Variants in CPSF7 observed in about 807,000 individuals in gnomAD.
The protein encoded by CPSF7 is cleavage and polyadenylation specific factor 7.
A neutral mutation model predicts 44.3 loss-of-function variants in CPSF7; 1 was observed. The ratio of observed to expected loss-of-function variants is 0.02; its 90% CI spans 0.01 to 0.11. CPSF7 has a LOEUF of 0.11. Ranked by LOEUF, CPSF7 falls within the 10% of genes least tolerant of loss-of-function variation. The pLI is 1.00. For synonymous variants in CPSF7, 202 were observed against 222.0 expected (o/e 0.91, Z 0.80); for missense variants, 443 against 607.2 (o/e 0.73, Z 2.84).
intron 7 of CPSF7, among the ~76,000 whole-genome samples, chr11:61,414,834 T>C (rs1860167511): frequency 6.6e-6 from 1 of 152,210 alleles, no homozygotes; most frequent in Non-Finnish European, 1.5e-5. Context: ...AAAAGTTAGC[T>C]GTAAGGGCAT....
intron 2 of CPSF7, among the ~76,000 whole-genome samples, chr11:61,423,014 T>A (rs978345922): frequency 7.2e-6 from 1 of 139,774 alleles, no homozygotes; most frequent in African/African-American, 2.7e-5. Context: ...ACATCTATAG[T>A]CCCAGCTACT....
At chr11:61,420,132 G>A in intron 4 of CPSF7, 38 bp from the exon 5 acceptor site, 2 of 1,514,616 alleles carry the variant, frequency 1.3e-6, no homozygotes, top group South Asian at 1.2e-5. Context: ...GAAATCTGTA[G>A]ACAGCCAAGA....
chr11:61,412,040 T>C, intron 7 of CPSF7, 103 bp from the exon 8 acceptor site: 3 of 999,938 alleles, frequency 3.0e-6, no homozygotes, highest in Non-Finnish European at 4.5e-6. Context: ...TAGCTAGCCG[T>C]CCCAAACAAC....
chr11:61,404,059 GAA>G lies in CPSF7; in HGVS notation c.*649_*650del, dbSNP rs1190496496. The G allele has an allele frequency of 1.3e-5, 2 of 152,654 alleles. No individual in the cohort carries two copies. Among genetic ancestry groups the G allele is most frequent in the African/African-American group, 4.8e-5 (2 of 41,448 alleles). 9.5% of individuals were successfully genotyped at this position (152,654 alleles called of 1,614,324 possible). On this transcript the variant is annotated 3_prime_UTR_variant, in exon 10 of 10. Coordinates refer to ENST00000439958, the MANE Select transcript of CPSF7 (RefSeq NM_001142565.3). ...TGAGAAGGCTGGGCAGCGCAGAGTTGAAAGAGTTCAGCCCTCTGGGAGGTCAA... is the reference window on the plus strand; with the variant it reads ...TGAGAAGGCTGGGCAGCGCAGAGTTGAGAGTTCAGCCCTCTGGGAGGTCAA...
chr11:61,426,989 C>G (rs1399488226), intron 2 of CPSF7: 19 of 131,706 alleles, frequency 1.4e-4, no homozygotes, highest in African/African-American at 5.4e-4. Flanking sequence ...GATGGTGCCA[C>G]TGCTCTCCAG....
chr11:61,412,763 G>A (rs1170429830), intron 7 of CPSF7, among the ~76,000 whole-genome samples: 1 of 152,176 alleles, frequency 6.6e-6, no homozygotes, highest in Non-Finnish European at 1.5e-5. Context: ...ACACAGTAAG[G>A]ATCAATAAAT....
intron 5 of CPSF7, 98 bp downstream of exon 5, chr11:61,419,851 G>GT: frequency 1.4e-6 from 2 of 1,470,082 alleles, no homozygotes; most frequent in Non-Finnish European, 1.8e-6. Flanking sequence ...CACCCACACT[G>GT]TAGGCTAAGC....
rs1159795500 is a variant in CPSF7, at chr11:61,421,540, G to C, written c.123C>G (p.Pro41=). 6.2e-7 allele frequency: 1 copy of C among 1,613,980 alleles called. No homozygotes were observed. Among genetic ancestry groups the C allele is most frequent in the Non-Finnish European group, 8.5e-7 (1 of 1,180,038 alleles). The part of the protein sequence containing the change: ...YDDVLTATSQ[P]SDDRSSSTEP... The stretch of plus-strand genomic sequence containing the variant: ...CAGTGCTGCTGCTTCTGTCATCTGA[G>C]GGCTGTGAGGTGGCTGTCAGCACAT... The change falls in exon 3 of 10, where the codon CCC becomes CCG. Residue 41 remains proline, a synonymous_variant. Transcript: ENST00000439958.
rs1352519997 is a variant in CPSF7 at position 61,403,315 on chromosome 11, C to CA, written c.*1394dup. The CA allele has an allele frequency of 3.3e-5, 5 of 152,190 alleles. No individual in the cohort carries two copies. Among genetic ancestry groups the CA allele is most frequent in the Admixed American group, 2.0e-4 (3 of 15,274 alleles). The allele number at this position is 152,190 out of a possible 1,614,324, so 9.4% of individuals were successfully genotyped here. ...ACATGCCACGTCTCATGTTAGGTGT[C>CA]AGATGCCCTGTAGATGCATGCAGAA... On this transcript the variant is annotated 3_prime_UTR_variant, in exon 10 of 10. Transcript: ENST00000439958.
intron 3 of CPSF7, chr11:61,421,095 T>C (rs1276309038): frequency 7.3e-7 from 1 of 1,372,068 alleles, no homozygotes; most frequent in African/African-American, 1.5e-5. Flanking sequence ...GAGTTCAAGG[T>C]GTTCACTCTG....
rs1859780385 is a variant in CPSF7 at position 61,410,787 on chromosome 11, G to A, written c.*5+151C>T. 6.5e-6 allele frequency: 5 copies of A among 767,498 alleles called. No homozygotes were observed. The South Asian group carries it at 1.1e-4, about 16-fold the overall frequency. 47.5% of individuals were successfully genotyped at this position (767,498 alleles called of 1,614,324 possible). ...GGGTAAGACTCCCCATAAATGTGCA[G>A]AAAATCTGCCCTGAAATTCCAGTTA... On this transcript the variant is annotated intron_variant, in intron 9 of 9. Transcript: ENST00000439958.
intron 2 of CPSF7, among the ~76,000 whole-genome samples, chr11:61,423,213 C>T (rs1861058487): frequency 6.9e-6 from 1 of 144,522 alleles, no homozygotes; most frequent in African/African-American, 2.7e-5. Flanking sequence ...TGCTCCATTG[C>T]CCAGGCTGGA....
At position 61,402,899 on chromosome 11, in the gene CPSF7, A is replaced by G. The variant is rs1210137726; in HGVS notation, c.*1811T>C. ...GTGTCATTGAGTAAAAACAAAACAAATGGGGAGAAAAAAATTCTCCGGGTA... is the reference window on the plus strand; with the variant it reads ...GTGTCATTGAGTAAAAACAAAACAAGTGGGGAGAAAAAAATTCTCCGGGTA... On this transcript the variant is annotated 3_prime_UTR_variant, in exon 10 of 10. Transcript: ENST00000439958. The G allele has an allele frequency of 6.6e-6, 1 of 152,454 alleles. No individual in the cohort carries two copies. The highest frequency in any genetic ancestry group is 2.4e-5 in the African/African-American group (1 of 41,388). 9.4% of individuals were successfully genotyped at this position (152,454 alleles called of 1,614,324 possible).
At chr11:61,416,070 C>T (rs1422720501) in intron 6 of CPSF7, 35 bp downstream of exon 6, 6 of 1,477,660 alleles carry the variant, frequency 4.1e-6, no homozygotes, top group Non-Finnish European at 5.4e-6. Context: ...ACTTATTTAC[C>T]CTGGCTCAAA....
chr11:61,412,117 C>T lies in CPSF7; in HGVS notation c.1058-180G>A, dbSNP rs151166868. ...GGATGACACCTATATTCCAGCAGTT[C>T]GGAATTTAACAGATGTTGTCAGATG... On this transcript the variant is annotated intron_variant, in intron 7 of 9. Coordinates refer to ENST00000439958, the MANE Select transcript of CPSF7 (RefSeq NM_001142565.3). 3.9e-5 allele frequency among the ~76,000 whole-genome samples: 6 copies of T among 152,134 alleles called. No homozygotes were observed. The East Asian group carries it at 7.7e-4, about 20-fold the overall frequency.
intron 7 of CPSF7, among the ~76,000 whole-genome samples, chr11:61,413,234 AAAT>A (rs1179531814): frequency 2.6e-5 from 4 of 152,266 alleles, no homozygotes; most frequent in African/African-American, 9.6e-5. Context: ...GAGACTTTCT[AAAT>A]AATGTGTATT....
chr11:61,421,928 T>C (rs956014687), intron 2 of CPSF7, among the ~76,000 whole-genome samples: 4 of 152,248 alleles, frequency 2.6e-5, no homozygotes, highest in African/African-American at 7.2e-5. Context: ...GCTGCTGTTA[T>C]CAATAAGGTC....
At position 61,411,891 on chromosome 11, in the gene CPSF7, A is replaced by G. The variant is rs762291543; in HGVS notation, c.1104T>C (p.Val368=). The G allele has an allele frequency of 3.7e-6, 6 of 1,614,112 alleles. No individual in the cohort carries two copies. Among genetic ancestry groups the G allele is most frequent in the Non-Finnish European group, 1.7e-6 (2 of 1,180,042 alleles). ...CATTGGCAACCCGGGACTGTTTGAT[A>G]ACCGCAATGGCTGTGAGCAGCGTCT... The part of the protein sequence containing the change: ...AIETLLTAIA[V]IKQSRVANDE... The change falls in exon 8 of 10, where the codon GTT becomes GTC. Residue 368 remains valine (V), a synonymous_variant. Coordinates refer to ENST00000439958, the MANE Select transcript of CPSF7 (RefSeq NM_001142565.3).
chr11:61,429,917 G>T lies in CPSF7; in HGVS notation c.-59C>A. ...CCCGACCGCGCGCCCCCGTTACCGG[G>T]AATATGGCGGCGGCGGCGGCGAGTC... is the stretch of plus-strand genomic sequence containing the variant. On this transcript the variant is annotated 5_prime_UTR_variant, in exon 1 of 10. Coordinates refer to ENST00000439958, the MANE Select transcript of CPSF7 (RefSeq NM_001142565.3). 6.7e-7 allele frequency: 1 copy of T among 1,481,572 alleles called. No individual in the cohort carries two copies. The highest frequency in any genetic ancestry group is 9.0e-7 in the Non-Finnish European group (1 of 1,106,828). 91.8% of individuals were successfully genotyped at this position (1,481,572 alleles called of 1,614,324 possible).
Sources: gnomAD v4.1 joint callset for allele counts (sites outside exome capture counted in the v4.1 genomes callset) on GRCh38, gnomAD v4.1.1 for gene constraint, MANE v1.5 for transcripts, NCBI Gene and HGNC (gene_info 2026-07-23, HGNC 2026-07-21) for gene names.